The following STK32B variants were observed in gnomAD, a reference collection of about 807,000 sequenced individuals.
STK32B encodes the protein serine/threonine-protein kinase 32B.
Under a neutral mutation model 52.6 loss-of-function variants are expected in STK32B, and 43 were observed. The ratio of observed to expected loss-of-function variants is 0.82; its 90% confidence interval spans 0.64 to 1.05. The LOEUF (loss-of-function observed/expected upper bound fraction) is 1.05, where lower values mean the gene tolerates loss of function less well. Ranked by LOEUF, STK32B falls within the 50% of genes least tolerant of loss-of-function variation. The probability of loss-of-function intolerance (pLI) is 0.00; values close to 1 mark genes in which losing one functional copy is unlikely to be tolerated. For synonymous variants in STK32B, 238 were observed against 204.3 expected (o/e 1.17, Z -1.41); for missense variants, 621 against 534.6 (o/e 1.16, Z -1.59).
intron 3 of STK32B, among the ~76,000 whole-genome samples, chr4:5,259,446 C>T (rs1726555913): frequency 6.6e-6 from 1 of 152,190 alleles, no homozygotes; most frequent in South Asian, 2.1e-4. Flanking sequence ...GAATTTGATC[C>T]TGGTTCTGCC....
At chr4:5,350,644 A>T (rs967966773) in intron 4 of STK32B, among the ~76,000 whole-genome samples, 5 of 152,194 alleles carry the variant, frequency 3.3e-5, no homozygotes, top group African/African-American at 1.2e-4. Context: ...CATATCAATA[A>T]TAACATTGAA....
chr4:5,134,768 A>G (rs1470472581), intron 1 of STK32B, among the ~76,000 whole-genome samples: 1 of 152,264 alleles, frequency 6.6e-6, no homozygotes, highest in African/African-American at 2.4e-5. Flanking sequence ...TTAGGAGGGC[A>G]GGAACGGGAT....
chr4:5,422,469 T>C (rs574127911), intron 6 of STK32B, among the ~76,000 whole-genome samples: 7 of 152,174 alleles, frequency 4.6e-5, no homozygotes, highest in East Asian at 1.9e-4. Flanking sequence ...AAAATTTGCA[T>C]AGGGCTGAAT....
chr4:5,401,456 C>T (rs1737287298), intron 5 of STK32B, among the ~76,000 whole-genome samples: 1 of 152,176 alleles, frequency 6.6e-6, no homozygotes, highest in Non-Finnish European at 1.5e-5. Context: ...CCAAAATCTG[C>T]TAGTTACACA....
intron 3 of STK32B, among the ~76,000 whole-genome samples, chr4:5,207,707 T>C (rs1722661340): frequency 6.6e-6 from 1 of 150,982 alleles, no homozygotes; most frequent in Non-Finnish European, 1.5e-5. Context: ...TGCTCCAGCA[T>C]TTTTTTTCTT....
At chr4:5,144,040 C>T (rs188457407) in intron 2 of STK32B, among the ~76,000 whole-genome samples, 20 of 152,274 alleles carry the variant, frequency 1.3e-4, no homozygotes, top group African/African-American at 4.6e-4. Flanking sequence ...GAGTGATCGG[C>T]TAGTCAGTGT....
chr4:5,428,348 C>T (rs1713270742), intron 6 of STK32B, among the ~76,000 whole-genome samples: 1 of 152,010 alleles, frequency 6.6e-6, no homozygotes, highest in African/African-American at 2.4e-5. Flanking sequence ...GTGGAGCTTG[C>T]AGTGAGCCGA....
At chr4:5,322,674 G>A (rs1305122709) in intron 3 of STK32B, among the ~76,000 whole-genome samples, 1 of 152,168 alleles carries the variant, frequency 6.6e-6, no homozygotes. Context: ...GTTTCCTCCA[G>A]ACTCTTCCTT....
At chr4:5,389,779 C>T (rs1736483183) in intron 4 of STK32B, among the ~76,000 whole-genome samples, 4 of 152,112 alleles carry the variant, frequency 2.6e-5, no homozygotes, top group Admixed American at 2.0e-4. Flanking sequence ...CCTGTGTCAC[C>T]TTACAGGGCA....
At chr4:5,061,593 C>T (rs977154510) in intron 1 of STK32B, among the ~76,000 whole-genome samples, 1 of 152,114 alleles carries the variant, frequency 6.6e-6, no homozygotes, top group African/African-American at 2.4e-5. Flanking sequence ...TATTATATTT[C>T]CTAGAAAGAT....
At chr4:5,341,222 T>C (rs1027312762) in intron 4 of STK32B, among the ~76,000 whole-genome samples, 1 of 152,160 alleles carries the variant, frequency 6.6e-6, no homozygotes, top group Non-Finnish European at 1.5e-5. Context: ...AGCAGGCATT[T>C]CTGGGAGCTA....
intron 3 of STK32B, among the ~76,000 whole-genome samples, chr4:5,283,850 G>T (rs1577291516): frequency 6.6e-6 from 1 of 152,058 alleles, no homozygotes; most frequent in Non-Finnish European, 1.5e-5. Flanking sequence ...TTGTTTGTTT[G>T]TTTTTTAAGC....
chr4:5,254,864 T>C (rs73797154), intron 3 of STK32B, among the ~76,000 whole-genome samples: 1,827 of 152,020 alleles, frequency 0.012, 36 homozygotes, highest in African/African-American at 0.035. Context: ...ACTCATGAAA[T>C]AAAGTAGATG....
Position 5,371,756 on chromosome 4 carries a change from T to C in STK32B, c.435-26451T>C, listed in dbSNP as rs115462225. Among the ~76,000 whole-genome samples the C allele has an allele frequency of 7.1e-3, 1,081 of 152,372 alleles. 12 individuals carry two copies. The highest frequency in any genetic ancestry group is 0.027 in the Middle Eastern group (8 of 294). On this transcript the variant is annotated intron_variant, in intron 4 of 11. Coordinates refer to ENST00000282908, the MANE Select transcript of STK32B (RefSeq NM_018401.3). ...ACAAGAAAGCAGCCGTAATAAACAG[T>C]GCATCTGTGAACAGCATTGACTGAG...
rs546821726 is a variant in STK32B at position 5,281,495 on chromosome 4, G to A, written c.261-49725G>A. ...TAGGACAAATACCTAATGCGTGCAG[G>A]CCCTAAACCCTAGATTACAGGTTGA... On this transcript the variant is annotated intron_variant, in intron 3 of 11. Transcript: ENST00000282908. Among the ~76,000 whole-genome samples the A allele has an allele frequency of 2.6e-5, 4 of 152,198 alleles. No individual in the cohort carries two copies. The East Asian group carries it at 7.7e-4, about 29-fold the overall frequency.
chr4:5,290,477 A>G (rs904865600), intron 3 of STK32B, among the ~76,000 whole-genome samples: 3 of 152,202 alleles, frequency 2.0e-5, no homozygotes, highest in African/African-American at 7.2e-5. Context: ...TAGGGCCAAG[A>G]TCATCAAGAT....
chr4:5,442,269 T>C (rs1297718161), intron 6 of STK32B, among the ~76,000 whole-genome samples: 1 of 149,280 alleles, frequency 6.7e-6, no homozygotes, highest in African/African-American at 2.5e-5. Context: ...CAGGACTTGC[T>C]TCATGAATCT....
chr4:5,448,530 A>G (rs1715681215), intron 7 of STK32B, among the ~76,000 whole-genome samples: 1 of 152,262 alleles, frequency 6.6e-6, no homozygotes, highest in South Asian at 2.1e-4. Flanking sequence ...AGATATTGGC[A>G]GTCATTCCTC....
chr4:5,233,677 A>G (rs1032798927), intron 3 of STK32B, among the ~76,000 whole-genome samples: 3 of 151,418 alleles, frequency 2.0e-5, no homozygotes, highest in African/African-American at 7.3e-5. Context: ...GGGGACATCT[A>G]GTAAGCCAGA....
Sources: allele counts gnomAD v4.1 joint callset (sites outside exome capture counted in the v4.1 genomes callset), GRCh38; gene constraint gnomAD v4.1.1; transcripts MANE v1.5; gene names NCBI Gene and HGNC (gene_info 2026-07-23, HGNC 2026-07-21).